Variants in GABRB1 observed in about 807,000 individuals in gnomAD.
The protein encoded by GABRB1 is gamma-aminobutyric acid receptor subunit beta-1.
Under a neutral mutation model 51.6 loss-of-function variants are expected in GABRB1, and 17 were observed. The ratio of observed to expected loss-of-function variants is 0.33; its 90% CI spans 0.23 to 0.49. GABRB1 has a LOEUF of 0.49. Among genes scored for constraint, GABRB1 ranks in the 20% least tolerant of loss-of-function variants. GABRB1 has a pLI of 0.99. For synonymous variants in GABRB1, 247 were observed against 218.9 expected, an observed-to-expected ratio of 1.13 and a Z score of -1.14; for missense variants, 410 against 600.6, an observed-to-expected ratio of 0.68 and a Z score of 3.32.
chr4:47,063,482 A>G (rs1409966958), intron 3 of GABRB1, among the ~76,000 whole-genome samples: 1 of 152,188 alleles, frequency 6.6e-6, no homozygotes, highest in East Asian at 1.9e-4. Context: ...AAGCTTAAGT[A>G]AAAAGTAATT....
At chr4:47,368,188 G>A (rs1462857957) in intron 5 of GABRB1, among the ~76,000 whole-genome samples, 1 of 152,188 alleles carries the variant, frequency 6.6e-6, no homozygotes, top group Non-Finnish European at 1.5e-5. Flanking sequence ...CTGCTTATGT[G>A]TATATGCAGC....
chr4:47,280,433 CATTAT>C (rs1723245281), intron 4 of GABRB1, among the ~76,000 whole-genome samples: 1 of 151,198 alleles, frequency 6.6e-6, no homozygotes, highest in African/African-American at 2.4e-5. Context: ...ACCACTATTA[CATTAT>C]AAGAATGCTC....
At chr4:47,167,879 A>G (rs1040451003) in intron 4 of GABRB1, among the ~76,000 whole-genome samples, 2 of 152,146 alleles carry the variant, frequency 1.3e-5, no homozygotes, top group Non-Finnish European at 2.9e-5. Context: ...CTCAGCCTCC[A>G]GAACTGGGAG....
intron 3 of GABRB1, among the ~76,000 whole-genome samples, chr4:47,147,545 G>C (rs1189515288): frequency 6.6e-6 from 1 of 152,108 alleles, no homozygotes; most frequent in African/African-American, 2.4e-5. Context: ...CCAGGTTCTA[G>C]TGGAGGAAAT....
intron 5 of GABRB1, among the ~76,000 whole-genome samples, chr4:47,363,716 G>A (rs6847600): frequency 0.45 from 67,666 of 151,904 alleles, 15,688 homozygotes; most frequent in Non-Finnish European, 0.5. Context: ...GTTCCTCTTG[G>A]GAACAAAAGG....
At chr4:47,213,821 C>A (rs1578006365) in intron 4 of GABRB1, among the ~76,000 whole-genome samples, 1 of 147,192 alleles carries the variant, frequency 6.8e-6, no homozygotes, top group African/African-American at 2.5e-5. Context: ...AACAAAATTT[C>A]TTTTCTGAAA....
intron 4 of GABRB1, among the ~76,000 whole-genome samples, chr4:47,237,722 A>T (rs965847671): frequency 6.6e-6 from 1 of 152,040 alleles, no homozygotes; most frequent in Admixed American, 6.5e-5. Flanking sequence ...TAGATAGATG[A>T]TAGAGATAGG....
chr4:47,259,196 CA>C (rs1722331198), intron 4 of GABRB1, among the ~76,000 whole-genome samples: 1 of 152,072 alleles, frequency 6.6e-6, no homozygotes, highest in Non-Finnish European at 1.5e-5. Flanking sequence ...CAGCCACAAA[CA>C]AATCCAGCCT....
intron 3 of GABRB1, among the ~76,000 whole-genome samples, chr4:47,119,768 C>T (rs1024860914): frequency 2.0e-5 from 3 of 152,066 alleles, no homozygotes; most frequent in Non-Finnish European, 4.4e-5. Context: ...CTCGGCCTCC[C>T]AAAGTGCTAG....
intron 4 of GABRB1, among the ~76,000 whole-genome samples, chr4:47,308,461 A>T (rs1724548367): frequency 6.6e-6 from 1 of 151,912 alleles, no homozygotes; most frequent in South Asian, 2.1e-4. Context: ...CTTCTGTCCT[A>T]TTTGGTTTTG....
chr4:47,094,494 ATTACAGG>A (rs1399744184), intron 3 of GABRB1, among the ~76,000 whole-genome samples: 1 of 152,010 alleles, frequency 6.6e-6, no homozygotes, highest in Non-Finnish European at 1.5e-5. Flanking sequence ...AAGTACTGGG[ATTACAGG>A]CATAAGCCAC....
intron 4 of GABRB1, among the ~76,000 whole-genome samples, chr4:47,188,081 T>C (rs1719261685): frequency 6.6e-6 from 1 of 151,986 alleles, no homozygotes; most frequent in African/African-American, 2.4e-5. Flanking sequence ...TGCTCAGTTT[T>C]ATGAGTACAT....
At chr4:47,404,222 C>G (rs1728492721) in intron 7 of GABRB1, among the ~76,000 whole-genome samples, 1 of 152,066 alleles carries the variant, frequency 6.6e-6, no homozygotes. Flanking sequence ...AAGGCACAGA[C>G]AATTCATCAG....
At chr4:47,313,548 C>G (rs975908436) in intron 4 of GABRB1, among the ~76,000 whole-genome samples, 19 of 152,090 alleles carry the variant, frequency 1.2e-4, no homozygotes, top group African/African-American at 4.6e-4. Flanking sequence ...GCTTCTCACC[C>G]AGAAGACAAG....
intron 5 of GABRB1, among the ~76,000 whole-genome samples, chr4:47,386,031 G>C (rs998929477): frequency 1.3e-5 from 2 of 152,206 alleles, no homozygotes; most frequent in African/African-American, 4.8e-5. Flanking sequence ...AGCCTGGAAG[G>C]TCTTTGAACA....
intron 8 of GABRB1, among the ~76,000 whole-genome samples, chr4:47,410,832 A>G (rs1414616200): frequency 2.0e-5 from 3 of 152,206 alleles, no homozygotes; most frequent in Non-Finnish European, 4.4e-5. Flanking sequence ...AAAAATCTCA[A>G]GAGGCTTATA....
chr4:47,162,395 T>G (rs573459279), intron 4 of GABRB1, among the ~76,000 whole-genome samples: 1 of 152,028 alleles, frequency 6.6e-6, no homozygotes, highest in East Asian at 1.9e-4. Flanking sequence ...CCATGACATG[T>G]GTAAGTATAT....
At chr4:47,024,110 G>C (rs897256733) in intron 1 of GABRB1, among the ~76,000 whole-genome samples, 1 of 151,756 alleles carries the variant, frequency 6.6e-6, no homozygotes, top group Admixed American at 6.6e-5. Context: ...ATAAATCTTA[G>C]TTTTTGTTGT....
intron 4 of GABRB1, among the ~76,000 whole-genome samples, chr4:47,278,596 G>A (rs1304175098): frequency 7.1e-6 from 1 of 141,310 alleles, no homozygotes; most frequent in Non-Finnish European, 1.5e-5. Flanking sequence ...GTTGAACTGG[G>A]TGGAGCTCCA....
Sources: gnomAD v4.1 joint callset for allele counts (sites outside exome capture counted in the v4.1 genomes callset) on GRCh38, gnomAD v4.1.1 for gene constraint, MANE v1.5 for transcripts, NCBI Gene and HGNC (gene_info 2026-07-23, HGNC 2026-07-21) for gene names.